Variants in P3H4 observed in about 807,000 individuals in gnomAD.
P3H4 encodes prolyl 3-hydroxylase family member 4 (inactive).
A neutral mutation model predicts 52.9 loss-of-function variants in P3H4; 47 were observed. That is an observed-to-expected ratio of 0.89 (90% CI 0.70 to 1.13). P3H4 has a LOEUF of 1.13. Ranked by LOEUF, P3H4 falls within the 50% of genes most tolerant of loss-of-function variation. The pLI is 0.00. For synonymous variants in P3H4, 256 were observed against 267.9 expected (o/e 0.96, Z 0.44); for missense variants, 585 against 611.0 (o/e 0.96, Z 0.45).
intron 6 of P3H4, among the ~76,000 whole-genome samples, chr17:41,803,984 C>T (rs1555613852): frequency 6.8e-6 from 1 of 147,256 alleles, no homozygotes; most frequent in African/African-American, 2.5e-5. Flanking sequence ...ACGGAGTCTG[C>T]TCTGTTGCCC....
intron 4 of P3H4, among the ~76,000 whole-genome samples, chr17:41,808,993 G>A (rs2047701649): frequency 6.6e-6 from 1 of 152,190 alleles, no homozygotes. Context: ...AAGTCCTGGT[G>A]CCACTTTTTA....
chr17:41,806,707 G>A, intron 6 of P3H4, 89 bp downstream of exon 6: 1 of 1,080,652 alleles, frequency 9.3e-7, no homozygotes, highest in Non-Finnish European at 1.4e-6. Flanking sequence ...ACCAGGGGCT[G>A]GGGCTGAATT....
At chr17:41,805,081 C>T (rs1291719675) in intron 6 of P3H4, among the ~76,000 whole-genome samples, 4 of 151,846 alleles carry the variant, frequency 2.6e-5, no homozygotes, top group Admixed American at 1.3e-4. Flanking sequence ...GTCAGGAGAT[C>T]GAGACCATAC....
intron 3 of P3H4, 76 bp from the exon 4 acceptor site, chr17:41,809,910 A>C: frequency 6.5e-7 from 1 of 1,539,452 alleles, no homozygotes; most frequent in Non-Finnish European, 8.9e-7. Flanking sequence ...AAGACTCTAA[A>C]TCCAATCTCT....
Position 41,811,199 on chromosome 17 carries a change from T to C in P3H4, c.548A>G (p.Asn183Ser), listed in dbSNP as rs782522085. The C allele has an allele frequency of 8.1e-6, 13 of 1,613,970 alleles. No homozygotes were observed. The highest frequency in any genetic ancestry group is 2.2e-5 in the South Asian group (2 of 91,076). The change falls in exon 2 of 8, where the codon AAC becomes AGC. Residue 183 changes from asparagine to serine, a missense_variant. Transcript: ENST00000393928. The surrounding 1 kb of genome is among the most constrained non-coding windows in gnomAD (Gnocchi z 4.8). ...GACGTCCAGCATCCCCTGATAGTAG[T>C]TGAGATACTTGGCGGTCAGCTCGTG... is the stretch of plus-strand genomic sequence containing the variant. ...PKHELTAKYLNYYQGMLDVAD... is the reference protein window; with the variant it reads ...PKHELTAKYLSYYQGMLDVAD...
chr17:41,811,003 T>C lies in P3H4; in HGVS notation c.647A>G (p.Asn216Ser). 1 of 1,614,054 alleles carries C rather than the reference T, an allele frequency of 6.2e-7. No homozygotes were observed. Among genetic ancestry groups the C allele is most frequent in the Non-Finnish European group, 8.5e-7 (1 of 1,179,960 alleles). Reference sequence around the variant, plus strand: ...CGTGCTGCTGCGGAAATCCCCGCTGTTGTAGAGCTTCACAGCCCGGAGGAA... The same window carrying C: ...CGTGCTGCTGCGGAAATCCCCGCTGCTGTAGAGCTTCACAGCCCGGAGGAA... ...AVFLRAVKLY[N>S]SGDFRSSTED... Residue 216 changes from asparagine to serine, a missense_variant, in exon 3 of 8, where the codon AAC becomes AGC. By Grantham distance (46) the Asn-to-Ser change is conservative. Coordinates refer to ENST00000393928, the MANE Select transcript of P3H4 (RefSeq NM_006455.3). This position sits in a 1 kb window ranked among gnomAD's most constrained non-coding sequence, Gnocchi z 4.8.
Position 41,811,321 on chromosome 17 carries a change from A to C in P3H4, c.463-37T>G. On this transcript the variant is annotated intron_variant, in intron 1 of 7. Transcript: ENST00000393928. The surrounding 1 kb of genome is among the most constrained non-coding windows in gnomAD (Gnocchi z 4.8). ...GTAGGGGGTGGGGGAGCGGGTCAGC[A>C]AGACCGGAGCTCGCGGCCCCGAGCG... 6.2e-7 allele frequency: 1 copy of C among 1,610,498 alleles called. No homozygotes were observed. The highest frequency in any genetic ancestry group is 8.5e-7 in the Non-Finnish European group (1 of 1,179,098).
intron 6 of P3H4, among the ~76,000 whole-genome samples, chr17:41,804,667 G>GTA (rs1319373965): frequency 6.6e-6 from 1 of 151,244 alleles, no homozygotes; most frequent in Non-Finnish European, 1.5e-5. Context: ...TCTTTATCAA[G>GTA]TGCTTTACAT....
At chr17:41,808,997 C>T (rs2047701687) in intron 4 of P3H4, among the ~76,000 whole-genome samples, 1 of 152,216 alleles carries the variant, frequency 6.6e-6, no homozygotes, top group African/African-American at 2.4e-5. Flanking sequence ...CCTGGTGCCA[C>T]TTTTTATTAG....
rs186086686 is a variant in P3H4 at position 41,810,594 on chromosome 17, C to A, written c.787+269G>T. The A allele has an allele frequency of 6.6e-6, 3 of 456,014 alleles. No individual in the cohort carries two copies. In the Admixed American group the frequency reaches 1.1e-4, roughly 17 times the overall value. 28.2% of individuals were successfully genotyped at this position (456,014 alleles called of 1,614,324 possible). Reference sequence around the variant, plus strand: ...TGCTGGGTTACTTCTCACCGCTGCACCTTTGCATCTGCACTGCCCTCTGCC... The same window carrying A: ...TGCTGGGTTACTTCTCACCGCTGCAACTTTGCATCTGCACTGCCCTCTGCC... On this transcript the variant is annotated intron_variant, in intron 3 of 7. Coordinates refer to ENST00000393928, the MANE Select transcript of P3H4 (RefSeq NM_006455.3).
At chr17:41,807,656 C>G (rs964883099) in intron 5 of P3H4, among the ~76,000 whole-genome samples, 5 of 152,136 alleles carry the variant, frequency 3.3e-5, no homozygotes, top group Admixed American at 6.6e-5. Flanking sequence ...CACCACCATG[C>G]CTGGCTAATT....
At chr17:41,805,235 GC>G (rs1555614037) in intron 6 of P3H4, among the ~76,000 whole-genome samples, 1 of 151,536 alleles carries the variant, frequency 6.6e-6, no homozygotes, top group African/African-American at 2.4e-5. Context: ...CTTGCAGTGA[GC>G]TGAGATCACG....
At chr17:41,805,397 G>A (rs1396494639) in intron 6 of P3H4, among the ~76,000 whole-genome samples, 1 of 151,284 alleles carries the variant, frequency 6.6e-6, no homozygotes, top group Non-Finnish European at 1.5e-5. Context: ...CGCGATCTCG[G>A]CTCACTGCAA....
chr17:41,809,319 GC>G (rs2047704515), intron 4 of P3H4, among the ~76,000 whole-genome samples: 1 of 152,140 alleles, frequency 6.6e-6, no homozygotes. Context: ...TACTCAGGAG[GC>G]TAAGAGAATC....
chr17:41,808,477 T>C (rs1381957309), intron 4 of P3H4, among the ~76,000 whole-genome samples: 1 of 150,036 alleles, frequency 6.7e-6, no homozygotes, highest in Admixed American at 6.6e-5. Flanking sequence ...AGCCTCTGCC[T>C]CCTGGGCTCA....
At position 41,803,306 on chromosome 17, in the gene P3H4, C is replaced by T. The variant is rs782815664; in HGVS notation, c.1272G>A (p.Lys424=). 14 of 1,613,972 alleles carry T rather than the reference C, an allele frequency of 8.7e-6. No individual in the cohort carries two copies. The highest frequency in any genetic ancestry group is 5.9e-6 in the Non-Finnish European group (7 of 1,179,924). The change falls in exon 7 of 8, where the codon AAG becomes AAA. Residue 424 remains lysine (K), a synonymous_variant. Transcript: ENST00000393928. ...ACTGACCAGCCTCGGCCTCGTCACC[C>T]TTGGCATCCGGCTCCTGCCACCAGT... is the stretch of plus-strand genomic sequence containing the variant. ...YADWWQEPDA[K]GDEAEAEPEP...
intron 3 of P3H4, among the ~76,000 whole-genome samples, 171 bp from the exon 4 acceptor site, chr17:41,810,005 A>G (rs991596778): frequency 6.6e-6 from 1 of 151,908 alleles, no homozygotes. Flanking sequence ...TTGGCATACT[A>G]TATGACAAGT....
chr17:41,804,870 G>A (rs1345227348), intron 6 of P3H4, among the ~76,000 whole-genome samples: 2 of 151,980 alleles, frequency 1.3e-5, no homozygotes, highest in Non-Finnish European at 2.9e-5. Flanking sequence ...GCTACTCGGA[G>A]GCTGAGACAG....
Position 41,803,357 on chromosome 17 carries a change from A to G in P3H4, c.1221T>C (p.Gly407=), listed in dbSNP as rs143451544. The part of the protein sequence containing the change: ...ALSDAEFEGE[G]DYEEGMYADW... ...CAGCATACATGCCCTCCTCGTAGTC[A>G]CCCTCCCCCTCAAACTCGGCGTCAG... Residue 407 remains glycine, a synonymous_variant, in exon 7 of 8, where the codon GGT becomes GGC. Transcript: ENST00000393928. 478 of 1,612,688 alleles carry G rather than the reference A, an allele frequency of 3.0e-4. 3 individuals are homozygous for G. The African/African-American group carries it at 5.7e-3, about 19-fold the overall frequency.
Sources: gnomAD v4.1 joint callset for allele counts (sites outside exome capture counted in the v4.1 genomes callset) on GRCh38, gnomAD v4.1.1 for gene constraint, Gnocchi (gnomAD v3.1) non-coding constraint, MANE v1.5 for transcripts, NCBI Gene and HGNC (gene_info 2026-07-23, HGNC 2026-07-21) for gene names.